Variants in NLGN1 observed in about 807,000 individuals in gnomAD.
NLGN1 encodes the protein neuroligin 1, also known as neuroligin-1.
In NLGN1, 12 loss-of-function variants were observed where a neutral mutation model predicts 65.5. The ratio of observed to expected loss-of-function variants is 0.18; its 90% CI spans 0.12 to 0.30. NLGN1 has a LOEUF of 0.30. NLGN1 is among the 10% of genes least tolerant of loss of function. The pLI is 1.00. For missense variants in NLGN1, 750 were observed against 1,007.1 expected (o/e 0.74, Z 3.46); for synonymous variants, 350 against 359.5 (o/e 0.97, Z 0.30).
intron 2 of NLGN1, among the ~76,000 whole-genome samples, chr3:173,570,097 G>A (rs1744394846): frequency 6.6e-6 from 1 of 152,164 alleles, no homozygotes; most frequent in African/African-American, 2.4e-5. Flanking sequence ...TTGGGAGTGG[G>A]GGCCAGAAGG....
At chr3:173,698,873 T>G (rs913240893) in intron 3 of NLGN1, among the ~76,000 whole-genome samples, 1 of 151,774 alleles carries the variant, frequency 6.6e-6, no homozygotes, top group Non-Finnish European at 1.5e-5. Flanking sequence ...TTTGTTTGTT[T>G]GAGATGGAGT....
At chr3:173,420,659 C>T (rs924398838) in intron 1 of NLGN1, among the ~76,000 whole-genome samples, 7 of 152,168 alleles carry the variant, frequency 4.6e-5, no homozygotes, top group Non-Finnish European at 8.8e-5. Flanking sequence ...GCCACACCGA[C>T]TTCCACAATG....
chr3:173,963,115 T>G (rs1377331892), intron 4 of NLGN1, among the ~76,000 whole-genome samples: 1 of 152,104 alleles, frequency 6.6e-6, no homozygotes, highest in African/African-American at 2.4e-5. Context: ...TAAAATGCAT[T>G]ATCTCATCTG....
downstream of NLGN1, among the ~76,000 whole-genome samples, chr3:174,286,872 A>G (rs1577831991): frequency 1.3e-5 from 2 of 151,610 alleles, no homozygotes; most frequent in East Asian, 3.9e-4. Context: ...CTTTTCAGAA[A>G]AGAGAGAGGA....
intron 2 of NLGN1, among the ~76,000 whole-genome samples, chr3:173,577,426 T>C (rs890714653): frequency 3.3e-5 from 5 of 152,224 alleles, no homozygotes; most frequent in Admixed American, 6.5e-5. Context: ...AATATTACCA[T>C]GTCCTGCTTT....
chr3:173,905,273 G>A (rs1289212559), intron 4 of NLGN1, among the ~76,000 whole-genome samples: 1 of 152,076 alleles, frequency 6.6e-6, no homozygotes, highest in Non-Finnish European at 1.5e-5. Flanking sequence ...GTTTATTCTT[G>A]TTTTACACAC....
chr3:173,921,208 T>A (rs1320204352), intron 4 of NLGN1, among the ~76,000 whole-genome samples: 2 of 144,672 alleles, frequency 1.4e-5, no homozygotes, highest in African/African-American at 5.1e-5. Context: ...ATGTAGTATA[T>A]ATAATATATA....
At chr3:173,427,667 C>T (rs1026891373) in intron 1 of NLGN1, among the ~76,000 whole-genome samples, 2 of 151,808 alleles carry the variant, frequency 1.3e-5, no homozygotes, top group African/African-American at 4.8e-5. Context: ...CCATTGTGGT[C>T]AGAAAAGATA....
intron 4 of NLGN1, among the ~76,000 whole-genome samples, chr3:174,166,587 G>A (rs916391759): frequency 2.6e-5 from 4 of 152,054 alleles, no homozygotes; most frequent in African/African-American, 9.7e-5. Flanking sequence ...ATTGAGGCTT[G>A]CTTTATGGAC....
intron 3 of NLGN1, among the ~76,000 whole-genome samples, chr3:173,633,406 A>G (rs80227756): frequency 0.046 from 6,972 of 152,166 alleles, 228 homozygotes; most frequent in Non-Finnish European, 0.077. Context: ...TCCCTAGGGC[A>G]GTTTCACCTG....
intron 4 of NLGN1, among the ~76,000 whole-genome samples, chr3:173,897,887 T>G (rs1446502290): frequency 2.0e-5 from 3 of 152,154 alleles, no homozygotes; most frequent in Admixed American, 2.0e-4. Context: ...TTAGACTACA[T>G]GAATCATTGC....
rs1204628723 is a variant in NLGN1 at position 173,780,986 on chromosome 3, C to CA, written c.494-26686dup. Among the ~76,000 whole-genome samples, 10 of 150,648 alleles carry CA rather than the reference C, an allele frequency of 6.6e-5. 1 individual carries two copies. In the East Asian group the frequency reaches 9.8e-4, roughly 15 times the overall value. ...GAAACCCCGTCTCTAGTAAAAAATA[C>CA]AAAAAAAATTAGCCAGGCGTGGTGG... On this transcript the variant is annotated intron_variant, in intron 3 of 6. Transcript: ENST00000457714.
intron 3 of NLGN1, among the ~76,000 whole-genome samples, chr3:173,735,341 A>C (rs1440153411): frequency 1.3e-5 from 2 of 152,120 alleles, no homozygotes; most frequent in Non-Finnish European, 1.5e-5. Flanking sequence ...GAACTACTGA[A>C]ACACTTTTAT....
intron 3 of NLGN1, among the ~76,000 whole-genome samples, chr3:173,657,765 G>A: frequency 6.6e-6 from 1 of 151,856 alleles, no homozygotes; most frequent in Non-Finnish European, 1.5e-5. Context: ...GAAGAAAGAA[G>A]GAAGAGGGAA....
intron 4 of NLGN1, among the ~76,000 whole-genome samples, chr3:174,023,405 A>C (rs1396433751): frequency 6.6e-6 from 1 of 151,942 alleles, no homozygotes; most frequent in Non-Finnish European, 1.5e-5. Flanking sequence ...AGTCATAGGA[A>C]CTCCCTTTTT....
chr3:173,983,201 T>G (rs1719142025), intron 4 of NLGN1, among the ~76,000 whole-genome samples: 1 of 152,226 alleles, frequency 6.6e-6, no homozygotes, highest in Non-Finnish European at 1.5e-5. Context: ...CATTACTTAG[T>G]CTTACTTGGG....
chr3:174,219,160 T>C (rs1354348338), intron 4 of NLGN1, among the ~76,000 whole-genome samples: 3 of 152,070 alleles, frequency 2.0e-5, no homozygotes, highest in African/African-American at 7.2e-5. Flanking sequence ...GTGCCATAAG[T>C]ATGTACAGTT....
chr3:173,532,677 CTTTT>C (rs1007990847), intron 2 of NLGN1, among the ~76,000 whole-genome samples: 1 of 152,062 alleles, frequency 6.6e-6, no homozygotes, highest in African/African-American at 2.4e-5. Flanking sequence ...ACATTTGTTT[CTTTT>C]TTATTTCTAA....
chr3:174,061,942 T>C (rs1737509994), intron 4 of NLGN1, among the ~76,000 whole-genome samples: 1 of 152,148 alleles, frequency 6.6e-6, no homozygotes, highest in South Asian at 2.1e-4. Flanking sequence ...CCAAACCATC[T>C]GTTGACTTAA....
Sources: gnomAD v4.1 joint callset for allele counts (sites outside exome capture counted in the v4.1 genomes callset) on GRCh38, gnomAD v4.1.1 for gene constraint, MANE v1.5 for transcripts, NCBI Gene and HGNC (gene_info 2026-07-23, HGNC 2026-07-21) for gene names.